The following NIM1K variants were observed in gnomAD, a reference collection of about 807,000 sequenced individuals.
NIM1K encodes the protein NIM1 serine/threonine protein kinase.
NIM1K carries 35 observed loss-of-function variants against 37.1 expected under a neutral mutation model. The ratio of observed to expected loss-of-function variants is 0.94; its 90% CI spans 0.72 to 1.25. NIM1K has a LOEUF of 1.25. Among genes scored for constraint, NIM1K ranks in the 50% most tolerant of loss-of-function variants. The pLI, the probability that NIM1K is intolerant of heterozygous loss-of-function variation, is 0.00. For synonymous variants in NIM1K, 234 were observed against 206.6 expected (o/e 1.13, Z -1.14); for missense variants, 564 against 548.0 (o/e 1.03, Z -0.29).
chr5:43,238,352 C>G (rs554279363), intron 1 of NIM1K, among the ~76,000 whole-genome samples: 7 of 151,836 alleles, frequency 4.6e-5, no homozygotes, highest in African/African-American at 1.2e-4. Context: ...CAATTTAATT[C>G]TTTAATTTCC....
At chr5:43,253,747 C>A (rs543287597) in intron 2 of NIM1K, among the ~76,000 whole-genome samples, 34 of 151,820 alleles carry the variant, frequency 2.2e-4, no homozygotes, top group African/African-American at 7.7e-4. Flanking sequence ...GAAACCTCTG[C>A]CTCCTGGGTT....
At chr5:43,232,717 G>C in intron 1 of NIM1K, 3 of 1,378,618 alleles carry the variant, frequency 2.2e-6, no homozygotes, top group Non-Finnish European at 3.0e-6. Context: ...TTCCATGAGC[G>C]GGGAGGTGAA....
intron 2 of NIM1K, among the ~76,000 whole-genome samples, chr5:43,267,535 C>A (rs1027774770): frequency 6.6e-6 from 1 of 151,950 alleles, no homozygotes; most frequent in Non-Finnish European, 1.5e-5. Flanking sequence ...CCTTGAGGTG[C>A]GATGTTAGGG....
Position 43,245,481 on chromosome 5 carries a change from G to A in NIM1K, c.-295G>A, listed in dbSNP as rs1752762291. 7.3e-6 allele frequency: 2 copies of A among 275,780 alleles called. No homozygotes were observed. Among genetic ancestry groups the A allele is most frequent in the Non-Finnish European group, 1.4e-5 (2 of 147,736 alleles). 17.1% of individuals were successfully genotyped at this position (275,780 alleles called of 1,614,324 possible). On this transcript the variant is annotated 5_prime_UTR_variant, in exon 2 of 4. An upstream open reading frame in the 5' UTR gains an earlier in-frame stop. Transcript: ENST00000326035. ...GTTCCTGGAGTCCCATCAGGCCAGT[G>A]GGTATGTAACATGTGCCTAATTGTA...
At chr5:43,203,021 G>A (rs1334431891) in intron 1 of NIM1K, among the ~76,000 whole-genome samples, 2 of 151,952 alleles carry the variant, frequency 1.3e-5, no homozygotes, top group African/African-American at 2.4e-5. Flanking sequence ...CCAGCCTTTC[G>A]ATGACTGTTT....
chr5:43,206,221 T>C (rs1752108241), intron 1 of NIM1K, among the ~76,000 whole-genome samples: 1 of 151,990 alleles, frequency 6.6e-6, no homozygotes, highest in South Asian at 2.1e-4. Context: ...TCTGGGTAAG[T>C]AAAGAAAAGA....
rs1472100105 is a variant in NIM1K, at chr5:43,242,032, A to C, written c.-694-3050A>C. Among the ~76,000 whole-genome samples the C allele has an allele frequency of 2.0e-5, 3 of 152,042 alleles. 1 individual carries two copies. Among genetic ancestry groups the C allele is most frequent in the African/African-American group, 7.3e-5 (3 of 41,274 alleles). Reference sequence around the variant, plus strand: ...CAATGCAAACCACAGCAACATTTGTAAAAGTGTAACAAAAACACTTTATCT... The same window carrying C: ...CAATGCAAACCACAGCAACATTTGTCAAAGTGTAACAAAAACACTTTATCT... On this transcript the variant is annotated intron_variant, in intron 1 of 3. Transcript: ENST00000326035.
chr5:43,209,707 C>T (rs1231823965), intron 1 of NIM1K, among the ~76,000 whole-genome samples: 1 of 152,084 alleles, frequency 6.6e-6, no homozygotes, highest in Non-Finnish European at 1.5e-5. Flanking sequence ...CAAACTCCAC[C>T]TCCCAGGTCC....
intron 1 of NIM1K, among the ~76,000 whole-genome samples, chr5:43,230,169 T>A (rs1351214353): frequency 1.3e-5 from 2 of 152,056 alleles, no homozygotes; most frequent in Non-Finnish European, 2.9e-5. Context: ...TTAAAGAAGA[T>A]AGAATCTTAT....
chr5:43,278,165 C>A (rs1403073091), intron 3 of NIM1K, among the ~76,000 whole-genome samples: 1 of 151,978 alleles, frequency 6.6e-6, no homozygotes, highest in Non-Finnish European at 1.5e-5. Context: ...CCTGCCTCAG[C>A]CTCCCAAGTA....
rs560842457 is a variant in NIM1K at position 43,225,359 on chromosome 5, T to G, written c.-694-19723T>G. ...GATACCTCTCTCTGGACCTAACAAT[T>G]AAAAGGACTTGCATTCCTCAGATAA... On this transcript the variant is annotated intron_variant, in intron 1 of 3. Transcript: ENST00000326035. 2.0e-5 allele frequency: 3 copies of G among 149,870 alleles called. No individual in the cohort carries two copies. In the South Asian group the frequency reaches 6.3e-4, roughly 32 times the overall value. The allele number at this position is 149,870 out of a possible 1,614,324, so 9.3% of individuals were successfully genotyped here.
intron 2 of NIM1K, among the ~76,000 whole-genome samples, chr5:43,255,754 A>AAAAAAAAGAAAGAAAG (rs112325348): frequency 3.0e-5 from 4 of 131,894 alleles, no homozygotes; most frequent in Admixed American, 8.1e-5. Context: ...TCTCAAAAAA[A>AAAAAAAAGAAAGAAAG]AAAGAAAGAA....
chr5:43,250,844 C>G (rs1752857832), intron 2 of NIM1K, among the ~76,000 whole-genome samples: 1 of 152,172 alleles, frequency 6.6e-6, no homozygotes, highest in African/African-American at 2.4e-5. Context: ...AGTGTGGGTT[C>G]AGATGTTAGA....
intron 2 of NIM1K, among the ~76,000 whole-genome samples, chr5:43,246,330 T>A (rs1752778688): frequency 6.6e-6 from 1 of 150,776 alleles, no homozygotes. Flanking sequence ...ATCTTAGAGG[T>A]TTTTGACTCC....
At chr5:43,272,644 C>T (rs1753274705) in intron 2 of NIM1K, among the ~76,000 whole-genome samples, 2 of 152,194 alleles carry the variant, frequency 1.3e-5, no homozygotes, top group South Asian at 4.1e-4. Flanking sequence ...AAACTATCTT[C>T]CTAGGTTTTA....
At chr5:43,239,612 C>T (rs1200971117) in intron 1 of NIM1K, among the ~76,000 whole-genome samples, 2 of 151,906 alleles carry the variant, frequency 1.3e-5, no homozygotes, top group South Asian at 2.1e-4. Context: ...CTACAACCTC[C>T]GCCTCCCAGG....
chr5:43,215,165 G>A (rs1202195854), intron 1 of NIM1K, among the ~76,000 whole-genome samples: 1 of 152,114 alleles, frequency 6.6e-6, no homozygotes, highest in Non-Finnish European at 1.5e-5. Context: ...CAAAAATACC[G>A]GGTCAATTAG....
intron 2 of NIM1K, among the ~76,000 whole-genome samples, chr5:43,257,602 T>G (rs1752965726): frequency 6.6e-6 from 1 of 151,994 alleles, no homozygotes; most frequent in Non-Finnish European, 1.5e-5. Flanking sequence ...CCACCCGCCC[T>G]GGCCTCCCAA....
At chr5:43,278,035 CCTTT>C (rs72012232) in intron 3 of NIM1K, among the ~76,000 whole-genome samples, 1,744 of 143,440 alleles carry the variant, frequency 0.012, 32 homozygotes, top group East Asian at 0.083. Flanking sequence ...TTCCTTCCTT[CCTTT>C]CTTTCTGTTT....
Sources: allele counts gnomAD v4.1 joint callset (sites outside exome capture counted in the v4.1 genomes callset), GRCh38; gene constraint gnomAD v4.1.1; transcripts MANE v1.5; gene names NCBI Gene and HGNC (gene_info 2026-07-23, HGNC 2026-07-21).